ACSS3: variants seen among roughly 807,000 people sequenced by gnomAD.
ACSS3 encodes acyl-CoA synthetase short-chain family member 3, mitochondrial.
ACSS3 carries 64 observed loss-of-function variants against 84.2 expected under a neutral mutation model. The ratio of observed to expected loss-of-function variants is 0.76; its 90% CI spans 0.62 to 0.94. The LOEUF is 0.94. Ranked by LOEUF, ACSS3 falls within the 40% of genes least tolerant of loss-of-function variation. The pLI is 0.00. For synonymous variants in ACSS3, 317 were observed against 310.1 expected (o/e 1.02, Z -0.23); for missense variants, 815 against 867.6 (o/e 0.94, Z 0.76).
At chr12:81,228,806 CAGTT>C (rs1228969598) in intron 11 of ACSS3, among the ~76,000 whole-genome samples, 1 of 151,790 alleles carries the variant, frequency 6.6e-6, no homozygotes, top group Non-Finnish European at 1.5e-5. Flanking sequence ...TGATTGCAAA[CAGTT>C]AGGAGTCTTT....
chr12:81,199,751 T>C, intron 9 of ACSS3: 2 of 1,172,978 alleles, frequency 1.7e-6, no homozygotes, highest in South Asian at 2.6e-5. Flanking sequence ...GAAGTGTCTG[T>C]TGGGTTCATT....
intron 5 of ACSS3, among the ~76,000 whole-genome samples, chr12:81,143,670 T>C (rs1278411396): frequency 2.0e-5 from 3 of 152,132 alleles, no homozygotes; most frequent in African/African-American, 7.2e-5. Context: ...CAGTATAGAA[T>C]TGATTTTTTG....
At chr12:81,079,978 T>C (rs892501739) in intron 1 of ACSS3, among the ~76,000 whole-genome samples, 4 of 152,240 alleles carry the variant, frequency 2.6e-5, no homozygotes, top group Non-Finnish European at 4.4e-5. Flanking sequence ...ACTCTCCTAG[T>C]ATTCCTCAGA....
intron 13 of ACSS3, among the ~76,000 whole-genome samples, chr12:81,246,860 A>C (rs992740502): frequency 6.6e-6 from 1 of 152,182 alleles, no homozygotes; most frequent in Admixed American, 6.5e-5. Context: ...GGGTGATGAA[A>C]TAATCTGTAC....
At chr12:81,234,163 A>G (rs1166521575) in intron 13 of ACSS3, among the ~76,000 whole-genome samples, 1 of 151,394 alleles carries the variant, frequency 6.6e-6, no homozygotes, top group Non-Finnish European at 1.5e-5. Context: ...AACCTTTGAG[A>G]CTGGGTTATT....
chr12:81,202,279 A>AAAATAAATAAAT (rs200748784), intron 9 of ACSS3, among the ~76,000 whole-genome samples: 161 of 151,560 alleles, frequency 1.1e-3, no homozygotes, highest in Middle Eastern at 3.4e-3. Context: ...ACTCTGTCTC[A>AAAATAAATAAAT]AAATAAATAA....
chr12:81,212,435 G>A (rs2032631936), intron 9 of ACSS3, among the ~76,000 whole-genome samples: 1 of 152,158 alleles, frequency 6.6e-6, no homozygotes, highest in Non-Finnish European at 1.5e-5. Context: ...ACACAGTCTA[G>A]GTGATTTTAT....
At chr12:81,183,401 A>G (rs2031066075) in intron 8 of ACSS3, among the ~76,000 whole-genome samples, 1 of 152,198 alleles carries the variant, frequency 6.6e-6, no homozygotes, top group African/African-American at 2.4e-5. Context: ...GAAAGGAAAA[A>G]GGAACACAGA....
In ACSS3 at chr12:81,078,420, C is replaced by T. The variant is rs141909100; in HGVS notation, c.300C>T (p.Pro100=). 20 of 1,612,410 alleles carry T rather than the reference C, an allele frequency of 1.2e-5. No homozygotes were observed. The African/African-American group carries it at 2.4e-4, about 19-fold the overall frequency. ...WTKTLENKHS[P]STRWFVEGML... ...AAACGCTGGAGAACAAACACTCGCC[C>T]TCTACCAGGTGGTGAGTGACTTCTG... The change falls in exon 1 of 16, where the codon CCC becomes CCT. Residue 100 remains proline (P), a synonymous_variant. Coordinates refer to ENST00000548058, the MANE Select transcript of ACSS3 (RefSeq NM_024560.4).
intron 8 of ACSS3, among the ~76,000 whole-genome samples, chr12:81,175,645 C>T (rs2030415592): frequency 6.6e-6 from 1 of 152,046 alleles, no homozygotes; most frequent in Non-Finnish European, 1.5e-5. Flanking sequence ...AAAAAACATA[C>T]CAGTGACACT....
intron 8 of ACSS3, among the ~76,000 whole-genome samples, chr12:81,196,470 A>T (rs11830493): frequency 0.027 from 4,114 of 152,150 alleles, 94 homozygotes; most frequent in South Asian, 0.11. Flanking sequence ...AGCTAATTTG[A>T]CCTTATTCTT....
At chr12:81,222,217 T>C (rs2033134480) in intron 11 of ACSS3, among the ~76,000 whole-genome samples, 1 of 152,096 alleles carries the variant, frequency 6.6e-6, no homozygotes, top group African/African-American at 2.4e-5. Context: ...AATTACTTGA[T>C]GATGTAATAT....
chr12:81,226,940 C>T (rs570882883), intron 11 of ACSS3, among the ~76,000 whole-genome samples: 137 of 150,700 alleles, frequency 9.1e-4, no homozygotes, highest in African/African-American at 3.2e-3. Context: ...CAGGGTTCTC[C>T]GAAGAAATAG....
chr12:81,253,407 G>A lies in ACSS3; in HGVS notation c.1819+1G>A. On this transcript the variant is annotated splice_donor_variant, in intron 14 of 15. Transcript: ENST00000548058. LOFTEE classifies it high-confidence loss of function. ...TTAGCACTCTGTGTATTGAGAAAAGGTGAGAGATCTTTTTCTCCCTGATTG... is the reference window on the plus strand; with the variant it reads ...TTAGCACTCTGTGTATTGAGAAAAGATGAGAGATCTTTTTCTCCCTGATTG... The A allele has an allele frequency of 6.2e-7, 1 of 1,613,806 alleles. No individual in the cohort carries two copies. The highest frequency in any genetic ancestry group is 8.5e-7 in the Non-Finnish European group (1 of 1,179,802).
chr12:81,245,899 T>G (rs2033969022), intron 13 of ACSS3, among the ~76,000 whole-genome samples: 1 of 152,218 alleles, frequency 6.6e-6, no homozygotes, highest in South Asian at 2.1e-4. Context: ...TTTCCCTCTT[T>G]GGTTCACAAA....
chr12:81,168,509 A>G (rs991615027), intron 7 of ACSS3, among the ~76,000 whole-genome samples: 7 of 152,190 alleles, frequency 4.6e-5, no homozygotes, highest in Non-Finnish European at 8.8e-5. Context: ...CTTCTCAAGT[A>G]GTGATACAAC....
chr12:81,237,879 T>A (rs572072222), intron 13 of ACSS3, among the ~76,000 whole-genome samples: 1 of 151,822 alleles, frequency 6.6e-6, no homozygotes, highest in East Asian at 1.9e-4. Flanking sequence ...CTTGTTGCAC[T>A]AGCCAGTATG....
At chr12:81,189,118 C>T (rs1240870194) in intron 8 of ACSS3, among the ~76,000 whole-genome samples, 1 of 152,158 alleles carries the variant, frequency 6.6e-6, no homozygotes, top group East Asian at 1.9e-4. Context: ...ATTCTATTCT[C>T]TATCAGATCA....
At chr12:81,139,426 A>G (rs954043208) in intron 4 of ACSS3, among the ~76,000 whole-genome samples, 161 bp downstream of exon 4, 22 of 151,974 alleles carry the variant, frequency 1.4e-4, no homozygotes, top group African/African-American at 2.4e-5. Context: ...TACTGACTTC[A>G]TGAAAATCTA....
Sources: gnomAD v4.1 joint callset for allele counts (sites outside exome capture counted in the v4.1 genomes callset) on GRCh38, gnomAD v4.1.1 for gene constraint, MANE v1.5 for transcripts, NCBI Gene and HGNC (gene_info 2026-07-23, HGNC 2026-07-21) for gene names.